B4GALT6: variants seen among roughly 807,000 people sequenced by gnomAD.
The protein encoded by B4GALT6 is UDP-Gal:beta-GlcNAc beta-1,4-galactosyltransferase 6.
In B4GALT6, 14 loss-of-function variants were observed where a neutral mutation model predicts 46.3. The ratio of observed to expected loss-of-function variants is 0.30; its 90% CI spans 0.20 to 0.47. The LOEUF (loss-of-function observed/expected upper bound fraction) is 0.47. B4GALT6 is among the 20% of genes least tolerant of loss of function. The probability of loss-of-function intolerance (pLI) is 0.99; values close to 1 mark genes in which losing one functional copy is unlikely to be tolerated. For missense variants in B4GALT6, 386 were observed against 480.1 expected (o/e 0.80, Z 1.83); for synonymous variants, 168 against 162.0 (o/e 1.04, Z -0.28).
intron 1 of B4GALT6, among the ~76,000 whole-genome samples, chr18:31,675,354 A>C (rs2074403693): frequency 6.6e-6 from 1 of 152,218 alleles, no homozygotes; most frequent in African/African-American, 2.4e-5. Context: ...CCAAAAGTTA[A>C]GGGGCCATCT....
chr18:31,691,484 A>G, the B4GALT6 span, among the ~76,000 whole-genome samples: 1 of 151,902 alleles, frequency 6.6e-6, no homozygotes, highest in Non-Finnish European at 1.5e-5. Context: ...ATAGTATACT[A>G]TGAAAGTACC....
intron 2 of B4GALT6, among the ~76,000 whole-genome samples, chr18:31,659,415 CAG>C (rs2074184042): frequency 6.6e-6 from 1 of 152,160 alleles, no homozygotes; most frequent in African/African-American, 2.4e-5. Context: ...TACTTCAGGG[CAG>C]AGACTCACGC....
chr18:31,689,699 A>G (rs2030044859), upstream of B4GALT6, among the ~76,000 whole-genome samples: 1 of 151,712 alleles, frequency 6.6e-6, no homozygotes, highest in Non-Finnish European at 1.5e-5. Context: ...AGCCGAGATC[A>G]CACCACCGCA....
chr18:31,657,475 A>G (rs1312070906), intron 3 of B4GALT6, among the ~76,000 whole-genome samples: 4 of 152,254 alleles, frequency 2.6e-5, no homozygotes, highest in Non-Finnish European at 5.9e-5. Flanking sequence ...TCTATTTTCT[A>G]TACAGACATC....
chr18:31,702,924 G>A, the B4GALT6 span, among the ~76,000 whole-genome samples: 14 of 152,186 alleles, frequency 9.2e-5, no homozygotes, highest in Non-Finnish European at 1.5e-4. Context: ...TGGGGATATA[G>A]ACACACTTAG....
At chr18:31,695,242 T>A in the B4GALT6 span, among the ~76,000 whole-genome samples, 1 of 151,714 alleles carries the variant, frequency 6.6e-6, no homozygotes. Context: ...TGGTTTCCAG[T>A]TTAAACTAAT....
chr18:31,653,394 T>C (rs940958036), intron 3 of B4GALT6, among the ~76,000 whole-genome samples: 4 of 149,886 alleles, frequency 2.7e-5, no homozygotes, highest in African/African-American at 9.7e-5. Flanking sequence ...CCTTCCAAAA[T>C]AAACTGCTGT....
Position 31,624,681 on chromosome 18 carries a change from A to G in B4GALT6, c.*933T>C, listed in dbSNP as rs1307226888. The stretch of plus-strand genomic sequence containing the variant: ...AAGATACTTTTTTTTGGCTCTTCTG[A>G]ACTGGAAATAATAAAAGTGCTGTTC... On this transcript the variant is annotated 3_prime_UTR_variant, in exon 9 of 9. Transcript: ENST00000306851. 6.6e-6 allele frequency: 1 copy of G among 152,034 alleles called. No homozygotes were observed. Among genetic ancestry groups the G allele is most frequent in the Non-Finnish European group, 1.5e-5 (1 of 67,974 alleles). 9.4% of individuals were successfully genotyped at this position (152,034 alleles called of 1,614,324 possible). A position where few individuals can be genotyped will look rare whatever the true frequency, so the allele number is the denominator to read the frequency against.
chr18:31,654,536 G>T (rs966239025), intron 3 of B4GALT6, among the ~76,000 whole-genome samples: 2 of 152,172 alleles, frequency 1.3e-5, no homozygotes, highest in African/African-American at 4.8e-5. Flanking sequence ...AAACACTGCT[G>T]AAATGTATGA....
At chr18:31,641,194 T>G (rs1227841244) in intron 4 of B4GALT6, among the ~76,000 whole-genome samples, 1 of 152,194 alleles carries the variant, frequency 6.6e-6, no homozygotes, top group Non-Finnish European at 1.5e-5. Context: ...GCTGAACATA[T>G]AAGGATAAAT....
intron 1 of B4GALT6, 115 bp downstream of exon 1, chr18:31,684,197 G>C: frequency 6.7e-7 from 1 of 1,500,396 alleles, no homozygotes; most frequent in South Asian, 1.3e-5. Flanking sequence ...AAAACAAAAC[G>C]CTTTTCTGCG....
At chr18:31,654,392 A>G (rs1205794802) in intron 3 of B4GALT6, among the ~76,000 whole-genome samples, 1 of 152,234 alleles carries the variant, frequency 6.6e-6, no homozygotes, top group African/African-American at 2.4e-5. Context: ...AATGCAATAA[A>G]GCTGAATGTG....
At chr18:31,687,840 A>G (rs1463667940), upstream of B4GALT6, among the ~76,000 whole-genome samples, 3 of 152,232 alleles carry the variant, frequency 2.0e-5, no homozygotes, top group African/African-American at 4.8e-5. Flanking sequence ...GCAACTGAAA[A>G]AAGAAAAATG....
intron 7 of B4GALT6, among the ~76,000 whole-genome samples, chr18:31,626,593 G>A (rs75494481): frequency 0.11 from 16,026 of 152,116 alleles, 928 homozygotes; most frequent in South Asian, 0.14. Flanking sequence ...ACCTCCTGTC[G>A]GATCAGCGAA....
intron 1 of B4GALT6, among the ~76,000 whole-genome samples, chr18:31,672,627 A>G (rs1427798869): frequency 6.6e-6 from 1 of 152,242 alleles, no homozygotes. Flanking sequence ...GCTTAAAAAA[A>G]TTCAGCATAC....
intron 7 of B4GALT6, among the ~76,000 whole-genome samples, 193 bp downstream of exon 7, chr18:31,626,806 C>T (rs1392773219): frequency 6.6e-6 from 1 of 151,816 alleles, no homozygotes; most frequent in Non-Finnish European, 1.5e-5. Flanking sequence ...GACCGCTGCT[C>T]TAATTATATG....
At chr18:31,645,277 C>G (rs1193687150) in intron 4 of B4GALT6, 78 bp downstream of exon 4, 4 of 1,560,896 alleles carry the variant, frequency 2.6e-6, no homozygotes, top group African/African-American at 1.4e-5. Flanking sequence ...ACATTTGTCT[C>G]TGTATTCTGA....
intron 5 of B4GALT6, among the ~76,000 whole-genome samples, chr18:31,632,513 A>G (rs573478748): frequency 1.3e-5 from 2 of 152,158 alleles, no homozygotes; most frequent in Non-Finnish European, 2.9e-5. Flanking sequence ...TTATTCCGGT[A>G]TTTATCTACA....
At chr18:31,670,516 A>T (rs1258599888) in intron 1 of B4GALT6, among the ~76,000 whole-genome samples, 1 of 152,212 alleles carries the variant, frequency 6.6e-6, no homozygotes, top group Non-Finnish European at 1.5e-5. Flanking sequence ...CAGCTAATTG[A>T]GTTACATTCC....
Sources: gnomAD v4.1 joint callset for allele counts (sites outside exome capture counted in the v4.1 genomes callset) on GRCh38, gnomAD v4.1.1 for gene constraint, MANE v1.5 for transcripts, NCBI Gene and HGNC (gene_info 2026-07-23, HGNC 2026-07-21) for gene names.